FIG4: variants seen among roughly 807,000 people sequenced by gnomAD.
The protein encoded by FIG4 is FIG4 phosphoinositide 5-phosphatase.
FIG4 carries 112 observed loss-of-function variants against 118.6 expected under a neutral mutation model. The ratio of observed to expected loss-of-function variants is 0.94; its 90% CI spans 0.81 to 1.11. The LOEUF is 1.11. FIG4 is among the 50% of genes least tolerant of loss of function. The probability of loss-of-function intolerance (pLI) is 0.00; values close to 1 mark genes in which losing one functional copy is unlikely to be tolerated. For missense variants in FIG4, 969 were observed against 1,111.7 expected, an observed-to-expected ratio of 0.87 and a Z score of 1.83; for synonymous variants, 369 against 381.2, an observed-to-expected ratio of 0.97 and a Z score of 0.37.
At chr6:109,736,472 GGTGGTAACCCA>G (rs1256151527) in intron 6 of FIG4, among the ~76,000 whole-genome samples, 1 of 152,082 alleles carries the variant, frequency 6.6e-6, no homozygotes, top group Non-Finnish European at 1.5e-5. Context: ...CAGACACTCT[GGTGGTAACCCA>G]TACCACTAGA....
chr6:109,799,792 T>C (rs1778382107), intron 22 of FIG4, among the ~76,000 whole-genome samples: 1 of 152,140 alleles, frequency 6.6e-6, no homozygotes, highest in Non-Finnish European at 1.5e-5. Context: ...TCAACCACGG[T>C]CTTGCAGGAC....
intron 15 of FIG4, among the ~76,000 whole-genome samples, chr6:109,769,800 T>A (rs1777402958): frequency 6.6e-6 from 1 of 152,084 alleles, no homozygotes; most frequent in Non-Finnish European, 1.5e-5. Flanking sequence ...ACACCTGTAG[T>A]CCCAGCTATG....
At chr6:109,705,816 A>G in intron 1 of FIG4, among the ~76,000 whole-genome samples, 1 of 152,242 alleles carries the variant, frequency 6.6e-6, no homozygotes, top group Non-Finnish European at 1.5e-5. Context: ...AAACCTTCAC[A>G]TATACCCCCA....
intron 22 of FIG4, among the ~76,000 whole-genome samples, chr6:109,817,800 T>C (rs1025583144): frequency 2.6e-5 from 4 of 152,070 alleles, no homozygotes; most frequent in African/African-American, 9.7e-5. Flanking sequence ...GGGAGCTTGC[T>C]CCTGGTTAAA....
In FIG4 at chr6:109,735,430, G is replaced by T. The variant is rs1444475840; in HGVS notation, c.646+132G>T. 5.1e-5 allele frequency: 42 copies of T among 825,140 alleles called. No individual in the cohort carries two copies. In the East Asian group the frequency reaches 1.1e-3, roughly 21 times the overall value. The allele number at this position is 825,140 out of a possible 1,614,324, so 51.1% of individuals were successfully genotyped here. ...TTTGTCCTTACGTGGGGTTGTTTTG[G>T]ATATGTGAAGTTGATCAATTCATTT... On this transcript the variant is annotated intron_variant, in intron 6 of 22. Transcript: ENST00000230124.
intron 11 of FIG4, among the ~76,000 whole-genome samples, chr6:109,761,360 TTTTG>T (rs1229283702): frequency 3.3e-5 from 5 of 151,920 alleles, no homozygotes; most frequent in Middle Eastern, 3.2e-3. Context: ...CTGGCTAATT[TTTTG>T]TTGTTGTTGT....
At chr6:109,709,599 G>T (rs2128380174) in intron 1 of FIG4, among the ~76,000 whole-genome samples, 1 of 152,308 alleles carries the variant, frequency 6.6e-6, no homozygotes, top group South Asian at 2.1e-4. Flanking sequence ...CATGAACATG[G>T]AATGTTTTTC....
At chr6:109,775,779 A>G (rs1294815374) in intron 15 of FIG4, among the ~76,000 whole-genome samples, 1 of 152,146 alleles carries the variant, frequency 6.6e-6, no homozygotes, top group East Asian at 1.9e-4. Context: ...GTGCTGTTTT[A>G]ATGGGATGCT....
At chr6:109,756,305 C>T (rs12213915) in intron 10 of FIG4, among the ~76,000 whole-genome samples, 7,870 of 152,272 alleles carry the variant, frequency 0.052, 403 homozygotes, top group East Asian at 0.23. Flanking sequence ...CCAAGAGATC[C>T]ACTGTTAGTC....
At chr6:109,727,764 T>G (rs1047271039) in intron 4 of FIG4, among the ~76,000 whole-genome samples, 2 of 152,190 alleles carry the variant, frequency 1.3e-5, no homozygotes, top group Non-Finnish European at 2.9e-5. Context: ...ACAGTTTACC[T>G]TAGTAGTTAA....
chr6:109,734,528 TAAAG>T (rs1177539265), intron 5 of FIG4, among the ~76,000 whole-genome samples: 1 of 151,350 alleles, frequency 6.6e-6, no homozygotes, highest in African/African-American at 2.4e-5. Context: ...GCTATATATA[TAAAG>T]AGAGCTAGAG....
At chr6:109,707,855 ATCTT>A (rs1191789111) in intron 1 of FIG4, among the ~76,000 whole-genome samples, 2 of 152,114 alleles carry the variant, frequency 1.3e-5, no homozygotes, top group Non-Finnish European at 2.9e-5. Flanking sequence ...GAAGCGAAAT[ATCTT>A]TATTTTTGCT....
chr6:109,818,029 G>A (rs1184862419), intron 22 of FIG4, among the ~76,000 whole-genome samples: 1 of 152,190 alleles, frequency 6.6e-6, no homozygotes, highest in Non-Finnish European at 1.5e-5. Flanking sequence ...CATCAGAGGA[G>A]CTGCTGTGTC....
intron 22 of FIG4, among the ~76,000 whole-genome samples, chr6:109,801,313 T>C (rs1263772800): frequency 2.0e-5 from 3 of 152,088 alleles, no homozygotes; most frequent in African/African-American, 7.2e-5. Context: ...TTTGGGAGGC[T>C]GAGGCGGGTG....
chr6:109,798,032 T>C (rs1226181901), intron 22 of FIG4, among the ~76,000 whole-genome samples: 1 of 152,166 alleles, frequency 6.6e-6, no homozygotes, highest in Non-Finnish European at 1.5e-5. Context: ...GTTTTATCAG[T>C]TTGATCAATT....
At chr6:109,739,372 T>C (rs1452398861) in intron 7 of FIG4, among the ~76,000 whole-genome samples, 1 of 152,188 alleles carries the variant, frequency 6.6e-6, no homozygotes, top group Non-Finnish European at 1.5e-5. Flanking sequence ...TTCGATTTTT[T>C]CTATCACCTT....
chr6:109,789,615 T>G lies in FIG4; in HGVS notation c.2118T>G (p.Val706=), dbSNP rs780930471. The part of the protein sequence containing the change: ...SSARDFMPKT[V]GIDPSPFTVR... ...TTAGTGACTTTATGCCTAAGACCGT[T>G]GGAATTGATCCAAGTCCATTTACTG... Residue 706 remains valine (V), a synonymous_variant, in exon 19 of 23, where the codon GTT becomes GTG. Transcript: ENST00000230124. 3.7e-6 allele frequency: 6 copies of G among 1,613,430 alleles called. No homozygotes were observed. In the East Asian group the frequency reaches 1.1e-4, roughly 30 times the overall value.
intron 15 of FIG4, among the ~76,000 whole-genome samples, chr6:109,769,692 G>C (rs1777399642): frequency 1.3e-5 from 2 of 151,492 alleles, no homozygotes. Context: ...GACCAAGACA[G>C]GAGGGCTGCT....
At chr6:109,825,034 G>A in intron 22 of FIG4, 54 bp from the exon 23 acceptor site, 1 of 1,534,306 alleles carries the variant, frequency 6.5e-7, no homozygotes. Flanking sequence ...TGCTCCCTGT[G>A]GTCCTTCCTT....
Sources: allele counts gnomAD v4.1 joint callset (sites outside exome capture counted in the v4.1 genomes callset), GRCh38; gene constraint gnomAD v4.1.1; transcripts MANE v1.5; gene names NCBI Gene and HGNC (gene_info 2026-07-23, HGNC 2026-07-21).